SH3D21: variants seen among roughly 807,000 people sequenced by gnomAD.
The protein encoded by SH3D21 is manchette microtubule inner protein 1, also known as SH3 domain-containing protein 21.
SH3D21 carries 83 observed loss-of-function variants against 82.1 expected under a neutral mutation model. The ratio of observed to expected loss-of-function variants is 1.01; its 90% CI spans 0.85 to 1.21. SH3D21 has a LOEUF of 1.21. Among genes scored for constraint, SH3D21 ranks in the 50% most tolerant of loss-of-function variants. SH3D21 has a pLI of 0.00. For synonymous variants in SH3D21, 383 were observed against 387.8 expected (o/e 0.99, Z 0.15); for missense variants, 980 against 962.1 (o/e 1.02, Z -0.25).
chr1:36,310,594 G>A (rs12401449), intron 10 of SH3D21, among the ~76,000 whole-genome samples: 1 of 150,496 alleles, frequency 6.6e-6, no homozygotes, highest in Admixed American at 6.6e-5. Context: ...CAGCGTAGGT[G>A]AGAGTGAGAC....
downstream of SH3D21, chr1:36,327,691 C>T: frequency 8.4e-7 from 1 of 1,197,022 alleles, no homozygotes; most frequent in Non-Finnish European, 1.1e-6. Flanking sequence ...GAGAGGGACG[C>T]ACATTAACCA....
At chr1:36,319,579 G>A in intron 13 of SH3D21, 43 bp downstream of exon 13, 1 of 1,551,210 alleles carries the variant, frequency 6.4e-7, no homozygotes, top group African/African-American at 1.4e-5. Flanking sequence ...GCTGGGCAGA[G>A]GCTGGTTCCC....
chr1:36,322,975 G>T, downstream of SH3D21: 1 of 1,606,966 alleles, frequency 6.2e-7, no homozygotes, highest in Non-Finnish European at 8.5e-7. Context: ...CCTCACCGCG[G>T]ATGTGCGCGT....
intron 10 of SH3D21, 40 bp from the exon 11 acceptor site, chr1:36,319,031 G>A (rs1183094658): frequency 7.3e-6 from 9 of 1,231,374 alleles, no homozygotes; most frequent in African/African-American, 6.0e-5. Context: ...CAGGGCTAGC[G>A]ACTGTCAGAT....
chr1:36,322,411 G>T, downstream of SH3D21: 1 of 1,600,900 alleles, frequency 6.2e-7, no homozygotes, highest in Non-Finnish European at 8.5e-7. Context: ...ATCCGTTCGC[G>T]CTCCTCCAGC....
At chr1:36,311,053 C>T (rs1159784690) in intron 10 of SH3D21, among the ~76,000 whole-genome samples, 1 of 151,936 alleles carries the variant, frequency 6.6e-6, no homozygotes, top group East Asian at 1.9e-4. Flanking sequence ...GGACTACAGG[C>T]ACCCACCACC....
chr1:36,317,139 T>C (rs753854994), intron 10 of SH3D21, among the ~76,000 whole-genome samples: 2 of 152,222 alleles, frequency 1.3e-5, no homozygotes, highest in Non-Finnish European at 2.9e-5. Flanking sequence ...TTTACTGAGC[T>C]TTGACCATCT....
Position 36,307,457 on chromosome 1 carries a change from G to T in SH3D21, c.346-60G>T. ...CGCTTGGGCAGAACCAAGGGTGGCA[G>T]ATTATCCTAGGGACTCTTGGGGCAG... On this transcript the variant is annotated intron_variant, in intron 4 of 15. Coordinates refer to ENST00000453908, the MANE Select transcript of SH3D21 (RefSeq NM_001162530.2). This position sits in a 1 kb window ranked among gnomAD's most constrained non-coding sequence, Gnocchi z 5.4. The T allele has an allele frequency of 6.5e-7, 1 of 1,532,654 alleles. No individual in the cohort carries two copies. The highest frequency in any genetic ancestry group is 2.5e-5 in the East Asian group (1 of 40,622). 94.9% of individuals were successfully genotyped at this position (1,532,654 alleles called of 1,614,324 possible).
rs1484789483 is a variant in SH3D21 at position 36,319,465 on chromosome 1, G to A, written c.940G>A (p.Gly314Arg). The A allele has an allele frequency of 2.6e-6, 4 of 1,551,552 alleles. No individual in the cohort carries two copies. The highest frequency in any genetic ancestry group is 3.5e-6 in the Non-Finnish European group (4 of 1,146,996). The change falls in exon 13 of 16, where the codon GGG becomes AGG. Residue 314 changes from glycine to arginine, a missense_variant. By Grantham distance (125) the Gly-to-Arg change is moderately radical (BLOSUM62 -2). Coordinates refer to ENST00000453908, the MANE Select transcript of SH3D21 (RefSeq NM_001162530.2). ...DSGPNGGFQS[G>R]GSYHPGRKRS... is the part of the protein sequence containing the mutation. Reference sequence around the variant, plus strand: ...AGGCCCCAATGGTGGCTTCCAAAGTGGGGGTTCGTATCACCCTGGCCGAAA... The same window carrying A: ...AGGCCCCAATGGTGGCTTCCAAAGTAGGGGTTCGTATCACCCTGGCCGAAA...
chr1:36,323,030 G>A (rs1205747475), downstream of SH3D21: 3 of 1,600,266 alleles, frequency 1.9e-6, no homozygotes, highest in South Asian at 3.3e-5. Flanking sequence ...CCTTCGCGGG[G>A]CATCCATGCT....
rs745569595 is a variant in SH3D21 at position 36,320,250 on chromosome 1, G to C, written c.1587G>C (p.Glu529Asp). Residue 529 changes from glutamate to aspartate, a missense_variant, in exon 14 of 16, where the codon GAG (glutamate) becomes GAC (aspartate). Physicochemically the swap from Glu to Asp is conservative, Grantham distance 45. Coordinates refer to ENST00000453908, the MANE Select transcript of SH3D21 (RefSeq NM_001162530.2). Reference protein sequence around the residue: ...VAKEDPSSQEEAHTPEAPPPQ... With the variant: ...VAKEDPSSQEDAHTPEAPPPQ... ...AAGAGGATCCATCATCCCAGGAGGA[G>C]GCCCACACGCCAGAGGCACCCCCAC... The C allele has an allele frequency of 1.9e-6, 3 of 1,612,902 alleles. No homozygotes were observed. The East Asian group carries it at 6.7e-5, about 36-fold the overall frequency.
At position 36,319,835 on chromosome 1, in the gene SH3D21, C is replaced by T. The variant is rs368827528; in HGVS notation, c.1172C>T (p.Thr391Ile). Residue 391 changes from threonine to isoleucine, a missense_variant, in exon 14 of 16, where the codon ACT becomes ATT. By Grantham distance (89) the Thr-to-Ile change is moderately conservative (BLOSUM62 -1). Transcript: ENST00000453908. ...GTCCCCTCCCCAGAGAAGACCCTCACTCTAGGGGACAAGGCCTCTATCCCA... is the reference window on the plus strand; with the variant it reads ...GTCCCCTCCCCAGAGAAGACCCTCATTCTAGGGGACAAGGCCTCTATCCCA... ...DKVPSPEKTL[T>I]LGDKASIPGN... is the part of the protein sequence containing the mutation. The T allele has an allele frequency of 6.2e-7, 1 of 1,613,990 alleles. No individual in the cohort carries two copies. The highest frequency in any genetic ancestry group is 1.1e-5 in the South Asian group (1 of 91,066).
At chr1:36,313,282 C>T (rs544996718) in intron 10 of SH3D21, among the ~76,000 whole-genome samples, 74 of 151,792 alleles carry the variant, frequency 4.9e-4, no homozygotes, top group Admixed American at 1.4e-3. Context: ...GCCGAGATCG[C>T]GTCACTGCAC....
In SH3D21 at chr1:36,307,974, A is replaced by T. The variant is rs1646163047; in HGVS notation, c.538+11A>T. ...ACTACCTGCAGACAGGTGAGCACCCATCCAAAGGGTCCCCCACTCCCTCAG... is the reference window on the plus strand; with the variant it reads ...ACTACCTGCAGACAGGTGAGCACCCTTCCAAAGGGTCCCCCACTCCCTCAG... On this transcript the variant is annotated intron_variant, in intron 7 of 15. Transcript: ENST00000453908. This position sits in a 1 kb window ranked among gnomAD's most constrained non-coding sequence, Gnocchi z 5.4. 6.4e-7 allele frequency: 1 copy of T among 1,551,486 alleles called. No homozygotes were observed. Among genetic ancestry groups the T allele is most frequent in the South Asian group, 1.2e-5 (1 of 84,060 alleles).
chr1:36,312,607 T>G (rs1646262527), intron 10 of SH3D21, among the ~76,000 whole-genome samples: 1 of 152,240 alleles, frequency 6.6e-6, no homozygotes, highest in South Asian at 2.1e-4. Flanking sequence ...TTCATTTTGT[T>G]AATTTATTGT....
chr1:36,309,660 C>A, intron 10 of SH3D21, 70 bp downstream of exon 10: 1 of 1,512,370 alleles, frequency 6.6e-7, no homozygotes, highest in Non-Finnish European at 9.0e-7. Flanking sequence ...TGCTTATAAA[C>A]ACCCACAGCA....
intron 9 of SH3D21, among the ~76,000 whole-genome samples, chr1:36,309,306 C>G (rs1646191749): frequency 6.6e-6 from 1 of 152,034 alleles, no homozygotes; most frequent in South Asian, 2.1e-4. Context: ...AAGCGACTCT[C>G]CTGCCTCAGC....
intron 10 of SH3D21, among the ~76,000 whole-genome samples, chr1:36,311,209 G>A (rs1317355417): frequency 6.8e-6 from 1 of 147,060 alleles, no homozygotes; most frequent in African/African-American, 2.5e-5. Context: ...GTGCCTGGCT[G>A]AGATTTGCTG....
At chr1:36,320,874 C>G in intron 14 of SH3D21, 41 bp from the exon 15 acceptor site, 2 of 1,552,102 alleles carry the variant, frequency 1.3e-6, no homozygotes, top group Non-Finnish European at 1.7e-6. Context: ...TCACCTCCAG[C>G]CCTCACCTGC....
Sources: allele counts gnomAD v4.1 joint callset (sites outside exome capture counted in the v4.1 genomes callset), GRCh38; gene constraint gnomAD v4.1.1; non-coding constraint Gnocchi (gnomAD v3.1); transcripts MANE v1.5; gene names NCBI Gene and HGNC (gene_info 2026-07-23, HGNC 2026-07-21).